Variants in NRG3 observed in about 807,000 individuals in gnomAD.
NRG3 encodes the protein neuregulin 3.
A neutral mutation model predicts 66.9 loss-of-function variants in NRG3; 31 were observed. The observed-to-expected ratio is 0.46, with a 90% CI of 0.35 to 0.63. NRG3 has a LOEUF of 0.63. Ranked by LOEUF, NRG3 falls within the 20% of genes least tolerant of loss-of-function variation. NRG3 has a pLI of 0.00. For missense variants in NRG3, 910 were observed against 878.9 expected, an observed-to-expected ratio of 1.04 and a Z score of -0.45; for synonymous variants, 393 against 359.4, an observed-to-expected ratio of 1.09 and a Z score of -1.06.
At chr10:82,183,315 T>C (rs1012887262) in intron 1 of NRG3, among the ~76,000 whole-genome samples, 2 of 152,012 alleles carry the variant, frequency 1.3e-5, no homozygotes, top group African/African-American at 4.8e-5. Context: ...TCACTTGGGC[T>C]TTCTTCATTC....
intron 4 of NRG3, among the ~76,000 whole-genome samples, chr10:82,880,730 A>G (rs1842228655): frequency 6.6e-6 from 1 of 152,230 alleles, no homozygotes; most frequent in African/African-American, 2.4e-5. Flanking sequence ...AAAATGCAGG[A>G]CACCCACATA....
intron 1 of NRG3, among the ~76,000 whole-genome samples, chr10:82,258,596 G>A (rs1470290800): frequency 1.3e-5 from 2 of 152,180 alleles, no homozygotes; most frequent in Non-Finnish European, 2.9e-5. Context: ...TATTAATTCA[G>A]TGCTTTGCCC....
At chr10:82,812,370 G>T (rs1375190606) in intron 3 of NRG3, among the ~76,000 whole-genome samples, 1 of 152,122 alleles carries the variant, frequency 6.6e-6, no homozygotes, top group East Asian at 1.9e-4. Flanking sequence ...CAAATTACTA[G>T]AACCAACCAA....
At chr10:82,804,994 A>G (rs2061219256) in intron 3 of NRG3, among the ~76,000 whole-genome samples, 2 of 152,350 alleles carry the variant, frequency 1.3e-5, no homozygotes, top group East Asian at 1.9e-4. Flanking sequence ...TCCCAAGTAT[A>G]TTGAAGCCAA....
At chr10:82,398,882 G>A (rs1191231067) in intron 2 of NRG3, among the ~76,000 whole-genome samples, 1 of 152,120 alleles carries the variant, frequency 6.6e-6, no homozygotes. Flanking sequence ...ACTTGATGAA[G>A]GCATTCCTCC....
Position 81,908,913 on chromosome 10 carries a change from G to C in NRG3, c.823+32750G>C, listed in dbSNP as rs554921403. On this transcript the variant is annotated intron_variant, in intron 1 of 8. Coordinates refer to ENST00000372141, the MANE Select transcript of NRG3 (RefSeq NM_001010848.4). ...AGAGAGGTGGTGGTGATGGTGTTGA[G>C]AGTGATGGGGTTGGTGGAGGTGATG... Among the ~76,000 whole-genome samples, 7 of 152,256 alleles carry C rather than the reference G, an allele frequency of 4.6e-5. No individual in the cohort carries two copies. In the South Asian group the frequency reaches 1.5e-3, roughly 32 times the overall value.
At chr10:82,691,047 C>T (rs937827203) in intron 2 of NRG3, among the ~76,000 whole-genome samples, 2 of 151,908 alleles carry the variant, frequency 1.3e-5, no homozygotes, top group Admixed American at 1.3e-4. Context: ...TTTCCTTCCC[C>T]CTCTTCTTCC....
At chr10:82,360,720 A>G (rs560993612) in intron 2 of NRG3, among the ~76,000 whole-genome samples, 1 of 152,348 alleles carries the variant, frequency 6.6e-6, no homozygotes, top group Admixed American at 6.5e-5. Context: ...CCCGGAGGTC[A>G]GAATTCCAAG....
intron 2 of NRG3, among the ~76,000 whole-genome samples, chr10:82,406,994 C>A (rs1214233497): frequency 1.3e-5 from 2 of 151,858 alleles, no homozygotes; most frequent in East Asian, 3.9e-4. Flanking sequence ...GTCTATAAAT[C>A]CTCTTATTTT....
intron 1 of NRG3, among the ~76,000 whole-genome samples, chr10:81,965,569 G>A (rs961795857): frequency 6.6e-6 from 1 of 152,148 alleles, no homozygotes; most frequent in Non-Finnish European, 1.5e-5. Flanking sequence ...TAGTACCATT[G>A]TAGACCTTCA....
intron 1 of NRG3, among the ~76,000 whole-genome samples, chr10:81,882,949 G>A (rs964660666): frequency 2.6e-5 from 4 of 152,138 alleles, no homozygotes; most frequent in African/African-American, 9.7e-5. Context: ...TCCAGCATAT[G>A]TTTATCAAAG....
chr10:82,169,033 A>G (rs1234856358), intron 1 of NRG3, among the ~76,000 whole-genome samples: 3 of 152,198 alleles, frequency 2.0e-5, no homozygotes, highest in African/African-American at 7.2e-5. Flanking sequence ...GATTTATTGC[A>G]GTTTCATGAT....
intron 4 of NRG3, among the ~76,000 whole-genome samples, chr10:82,938,522 A>G (rs114133089): frequency 6.6e-6 from 1 of 152,238 alleles, no homozygotes; most frequent in African/African-American, 2.4e-5. Flanking sequence ...CTGCGCACCT[A>G]TGCAAAGAGC....
chr10:82,219,875 G>T (rs2075855853), intron 1 of NRG3, among the ~76,000 whole-genome samples: 2 of 151,870 alleles, frequency 1.3e-5, no homozygotes, highest in South Asian at 4.2e-4. Context: ...CATTGAAAAA[G>T]GGAATAATAC....
At chr10:82,922,276 G>A (rs142826817) in intron 4 of NRG3, among the ~76,000 whole-genome samples, 61 of 152,220 alleles carry the variant, frequency 4.0e-4, no homozygotes, top group African/African-American at 1.3e-3. Context: ...GGGCAGCCCC[G>A]TGGAGGTTTT....
At chr10:82,906,978 A>G (rs61858785) in intron 4 of NRG3, among the ~76,000 whole-genome samples, 1 of 152,220 alleles carries the variant, frequency 6.6e-6, no homozygotes, top group African/African-American at 2.4e-5. Flanking sequence ...TGGCAAAATA[A>G]CAGAAGTTGA....
rs556517557 is a variant in NRG3 at position 82,331,810 on chromosome 10, G to A, written c.824-26929G>A. Among the ~76,000 whole-genome samples the A allele has an allele frequency of 3.0e-4, 45 of 152,306 alleles. No individual in the cohort carries two copies. The South Asian group carries it at 4.4e-3, about 15-fold the overall frequency. ...AAAATAAACATTTTCCAGTTTTGGA[G>A]CTGGACTGTGCACACATTTCTGTTC... On this transcript the variant is annotated intron_variant, in intron 1 of 8. Coordinates refer to ENST00000372141, the MANE Select transcript of NRG3 (RefSeq NM_001010848.4).
intron 2 of NRG3, among the ~76,000 whole-genome samples, chr10:82,544,586 A>G (rs566397249): frequency 2.6e-5 from 4 of 152,304 alleles, no homozygotes; most frequent in Admixed American, 2.6e-4. Context: ...TTACCCTGAA[A>G]GGAAATGCTC....
At chr10:82,782,367 A>G (rs981638447) in intron 3 of NRG3, among the ~76,000 whole-genome samples, 1 of 152,164 alleles carries the variant, frequency 6.6e-6, no homozygotes, top group African/African-American at 2.4e-5. Context: ...GCAATAATGT[A>G]GCAAGAAGGG....
Sources: allele counts gnomAD v4.1 joint callset (sites outside exome capture counted in the v4.1 genomes callset), GRCh38; gene constraint gnomAD v4.1.1; transcripts MANE v1.5; gene names NCBI Gene and HGNC (gene_info 2026-07-23, HGNC 2026-07-21).